Variants in CDK14 observed in about 807,000 individuals in gnomAD.
CDK14 encodes cyclin-dependent kinase 14.
Under a neutral mutation model 60.7 loss-of-function variants are expected in CDK14, and 34 were observed. The observed-to-expected ratio is 0.56, with a 90% CI of 0.43 to 0.75. CDK14 has a LOEUF of 0.75. CDK14 is among the 30% of genes least tolerant of loss of function. The probability of loss-of-function intolerance (pLI) is 0.00; values close to 1 mark genes in which losing one functional copy is unlikely to be tolerated. For missense variants in CDK14, 482 were observed against 564.1 expected (o/e 0.85, Z 1.47); for synonymous variants, 197 against 203.7 (o/e 0.97, Z 0.28).
intron 10 of CDK14, among the ~76,000 whole-genome samples, chr7:90,990,182 G>T (rs1286922239): frequency 2.6e-5 from 4 of 152,168 alleles, no homozygotes; most frequent in African/African-American, 9.7e-5. Flanking sequence ...GGAAAGTTGA[G>T]GTGGGAGGAT....
intron 9 of CDK14, among the ~76,000 whole-genome samples, chr7:90,975,985 G>A (rs969028791): frequency 6.6e-6 from 1 of 152,100 alleles, no homozygotes; most frequent in Non-Finnish European, 1.5e-5. Flanking sequence ...ATTGTGAATA[G>A]TTCTGCAGTG....
chr7:90,750,201 C>A lies in CDK14; in HGVS notation c.464+2426C>A, dbSNP rs4728932. Among the ~76,000 whole-genome samples, 72 of 78,542 alleles carry A rather than the reference C, an allele frequency of 9.2e-4. 1 individual carries two copies. The highest frequency in any genetic ancestry group is 2.2e-3 in the African/African-American group (43 of 19,828). 51.5% of individuals were successfully genotyped at this position (78,542 alleles called of 152,430 possible). On this transcript the variant is annotated intron_variant, in intron 4 of 14. Coordinates refer to ENST00000380050, the MANE Select transcript of CDK14 (RefSeq NM_001287135.2). The stretch of plus-strand genomic sequence containing the variant: ...ACACACACACACACACACACACACA[C>A]CAATAATATTACAGAGAAAGAAAAA...
At chr7:91,044,709 TCTC>T (rs1797184608) in intron 10 of CDK14, among the ~76,000 whole-genome samples, 1 of 152,144 alleles carries the variant, frequency 6.6e-6, no homozygotes, top group Admixed American at 6.5e-5. Context: ...TGGTCCTTCT[TCTC>T]CTCTGCTGGT....
At chr7:90,987,082 A>G (rs920677322) in intron 10 of CDK14, among the ~76,000 whole-genome samples, 2 of 152,018 alleles carry the variant, frequency 1.3e-5, no homozygotes, top group Non-Finnish European at 2.9e-5. Context: ...ATTTATTGAC[A>G]TAGCTTTGTC....
chr7:91,171,211 G>A (rs1213325524), intron 14 of CDK14, among the ~76,000 whole-genome samples: 2 of 151,926 alleles, frequency 1.3e-5, no homozygotes, highest in Non-Finnish European at 2.9e-5. Flanking sequence ...TTAGCTGGGC[G>A]TGGTGGCGGG....
At chr7:90,870,853 T>G (rs1281012822) in intron 6 of CDK14, among the ~76,000 whole-genome samples, 1 of 152,226 alleles carries the variant, frequency 6.6e-6, no homozygotes, top group Non-Finnish European at 1.5e-5. Flanking sequence ...TTTTAGACAT[T>G]AGGGTCTAAT....
At chr7:90,821,542 G>T (rs1289891267) in intron 5 of CDK14, among the ~76,000 whole-genome samples, 1 of 152,156 alleles carries the variant, frequency 6.6e-6, no homozygotes, top group Non-Finnish European at 1.5e-5. Context: ...CACCCCATGA[G>T]AGGAGGCAGA....
chr7:91,144,196 A>G (rs554035321), intron 14 of CDK14, among the ~76,000 whole-genome samples: 6 of 152,334 alleles, frequency 3.9e-5, no homozygotes, highest in Admixed American at 2.6e-4. Context: ...ATACAATTTC[A>G]CTGTTACTGA....
chr7:90,717,438 T>A (rs1802287752), intron 2 of CDK14, among the ~76,000 whole-genome samples: 1 of 152,082 alleles, frequency 6.6e-6, no homozygotes, highest in Non-Finnish European at 1.5e-5. Context: ...CTACAGTCAC[T>A]GAAGCAGCGT....
chr7:90,872,919 C>T (rs1385554224), intron 6 of CDK14, among the ~76,000 whole-genome samples: 18 of 151,986 alleles, frequency 1.2e-4, no homozygotes, highest in Non-Finnish European at 1.5e-5. Flanking sequence ...AATTCTTGTT[C>T]CTCAGTTTAT....
At chr7:90,667,206 T>C (rs997791157) in intron 2 of CDK14, among the ~76,000 whole-genome samples, 7 of 152,204 alleles carry the variant, frequency 4.6e-5, no homozygotes, top group Non-Finnish European at 7.3e-5. Context: ...CATTGCCTGG[T>C]ATGACCTCAA....
rs138664678 is a variant in CDK14, at chr7:90,711,280, A to G, written c.124-15287A>G. Among the ~76,000 whole-genome samples, 589 of 151,978 alleles carry G rather than the reference A, an allele frequency of 3.9e-3. 6 individuals carry two copies. Among genetic ancestry groups the G allele is most frequent in the Non-Finnish European group, 5.3e-3 (357 of 67,948 alleles). On this transcript the variant is annotated intron_variant, in intron 2 of 14. Coordinates refer to ENST00000380050, the MANE Select transcript of CDK14 (RefSeq NM_001287135.2). ...GCAGTGCTTCTGTATTCACTCAACT[A>G]TTTACTGTTGAGGTTGGACATTGAT...
chr7:90,714,738 A>C (rs1193694443), intron 2 of CDK14, among the ~76,000 whole-genome samples: 1 of 152,046 alleles, frequency 6.6e-6, no homozygotes, highest in Non-Finnish European at 1.5e-5. Context: ...TGGAGTTTGC[A>C]TCTAGATTTA....
At chr7:91,101,792 T>C (rs1479772910) in intron 12 of CDK14, among the ~76,000 whole-genome samples, 1 of 152,212 alleles carries the variant, frequency 6.6e-6, no homozygotes, top group Non-Finnish European at 1.5e-5. Flanking sequence ...GATTCACTCA[T>C]GTTCTGCTTG....
intron 4 of CDK14, among the ~76,000 whole-genome samples, chr7:90,750,812 G>A (rs1803809315): frequency 6.6e-6 from 1 of 151,990 alleles, no homozygotes; most frequent in African/African-American, 2.4e-5. Context: ...GGCGGAGGTT[G>A]CAGTGAGCTG....
chr7:90,648,598 A>G (rs1800520782), intron 2 of CDK14, among the ~76,000 whole-genome samples: 1 of 152,024 alleles, frequency 6.6e-6, no homozygotes, highest in African/African-American at 2.4e-5. Flanking sequence ...GAAACAAAAC[A>G]TACTCACTTC....
intron 11 of CDK14, among the ~76,000 whole-genome samples, chr7:91,050,390 C>A (rs1263547884): frequency 6.6e-6 from 1 of 151,672 alleles, no homozygotes. Flanking sequence ...TATCCCAGAA[C>A]TCAACATGGT....
intron 4 of CDK14, among the ~76,000 whole-genome samples, chr7:90,753,802 G>A (rs1803945445): frequency 6.6e-6 from 1 of 152,080 alleles, no homozygotes; most frequent in African/African-American, 2.4e-5. Context: ...TAAAATCAAT[G>A]TATAAAATCC....
chr7:90,893,864 C>T (rs1792213747), intron 6 of CDK14, among the ~76,000 whole-genome samples: 1 of 151,160 alleles, frequency 6.6e-6, no homozygotes, highest in Non-Finnish European at 1.5e-5. Flanking sequence ...TCACTCAGAG[C>T]ACTCTGAAGT....
Sources: allele counts gnomAD v4.1 joint callset (sites outside exome capture counted in the v4.1 genomes callset), GRCh38; gene constraint gnomAD v4.1.1; transcripts MANE v1.5; gene names NCBI Gene and HGNC (gene_info 2026-07-23, HGNC 2026-07-21).